The following NAALADL1 variants were observed in gnomAD, a reference collection of about 807,000 sequenced individuals.
The protein encoded by NAALADL1 is aminopeptidase NAALADL1.
NAALADL1 carries 77 observed loss-of-function variants against 82.8 expected under a neutral mutation model. The observed-to-expected ratio is 0.93, with a 90% CI of 0.77 to 1.12. NAALADL1 has a LOEUF of 1.12. Ranked by LOEUF, NAALADL1 falls within the 50% of genes most tolerant of loss-of-function variation. The pLI is 0.00. For synonymous variants in NAALADL1, 358 were observed against 399.2 expected (o/e 0.90, Z 1.23); for missense variants, 956 against 964.0 (o/e 0.99, Z 0.11).
In NAALADL1 at chr11:65,054,947, G is replaced by A. The variant is rs948058923; in HGVS notation, c.604-209C>T. Among the ~76,000 whole-genome samples, 6 of 152,192 alleles carry A rather than the reference G, an allele frequency of 3.9e-5. No individual in the cohort carries two copies. The highest frequency in any genetic ancestry group is 2.1e-4 in the South Asian group (1 of 4,830). On this transcript the variant is annotated intron_variant, in intron 4 of 17. Coordinates refer to ENST00000358658, the MANE Select transcript of NAALADL1 (RefSeq NM_005468.3). This position sits in a 1 kb window ranked among gnomAD's most constrained non-coding sequence, Gnocchi z 4.3. ...AGCCCGTGCCTATCAGTGGAGTCTG[G>A]TTGAATAACAGGGACATCCTACAGT...
Position 65,045,133 on chromosome 11 carries a change from C to G in NAALADL1, c.*138G>C. On this transcript the variant is annotated 3_prime_UTR_variant, in exon 18 of 18. Coordinates refer to ENST00000358658, the MANE Select transcript of NAALADL1 (RefSeq NM_005468.3). ...TAGGGCTTGCCACTCCCCTCAGGGA[C>G]CTCAAGCTGTTGCCTGAGAAGCTTG... The G allele has an allele frequency of 4.2e-6, 4 of 961,564 alleles. No homozygotes were observed. Among genetic ancestry groups the G allele is most frequent in the Non-Finnish European group, 6.1e-6 (4 of 657,368 alleles). 59.6% of individuals were successfully genotyped at this position (961,564 alleles called of 1,614,324 possible). A position where few individuals can be genotyped will look rare whatever the true frequency, so the allele number is the denominator to read the frequency against.
Position 65,046,471 on chromosome 11 carries a change from T to A in NAALADL1, c.1655A>T (p.Asp552Val). The A allele has an allele frequency of 6.2e-7, 1 of 1,614,062 alleles. No homozygotes were observed. The highest frequency in any genetic ancestry group is 8.5e-7 in the Non-Finnish European group (1 of 1,180,010). Residue 552 changes from aspartate (D) to valine (V), a missense_variant, in exon 14 of 18, where the codon GAC becomes GTC. By Grantham distance (152) the Asp-to-Val change is radical (BLOSUM62 -3). Transcript: ENST00000358658. ...CGGGTCCAAAAACTTGTCCACATAGTCAAAGGTGTCAAAGGCTGTGTGGTA... is the reference window on the plus strand; with the variant it reads ...CGGGTCCAAAAACTTGTCCACATAGACAAAGGTGTCAAAGGCTGTGTGGTA... ...PTYHTAFDTF[D>V]YVDKFLDPGF...
chr11:65,055,648 A>G (rs969737497), intron 4 of NAALADL1, among the ~76,000 whole-genome samples: 16 of 152,192 alleles, frequency 1.1e-4, no homozygotes, highest in Admixed American at 7.2e-4. Flanking sequence ...GAGGTTACAG[A>G]AAATAGAATA....
upstream of NAALADL1, among the ~76,000 whole-genome samples, chr11:65,060,461 A>AGT (rs1000831765): frequency 3.9e-5 from 6 of 152,112 alleles, no homozygotes; most frequent in African/African-American, 1.4e-4. Context: ...CCAGGTGGGG[A>AGT]GTGGGATGCC....
At chr11:65,047,387 G>T in intron 13 of NAALADL1, 88 bp downstream of exon 13, 2 of 1,121,892 alleles carry the variant, frequency 1.8e-6, no homozygotes, top group Non-Finnish European at 2.5e-6. Flanking sequence ...AAAGGTGCAG[G>T]GTTCAGTCTG....
chr11:65,048,436 G>A, intron 8 of NAALADL1, 51 bp from the exon 9 acceptor site: 2 of 1,604,412 alleles, frequency 1.2e-6, no homozygotes, highest in Non-Finnish European at 1.7e-6. Flanking sequence ...TGATCCTAGG[G>A]TGCCTTAGGA....
chr11:65,046,189 C>T lies in NAALADL1; in HGVS notation c.1855G>A (p.Gly619Arg). The change falls in exon 15 of 18, where the codon GGG becomes AGG. Residue 619 changes from glycine to arginine, a missense_variant and splice_region_variant. Coordinates refer to ENST00000358658, the MANE Select transcript of NAALADL1 (RefSeq NM_005468.3). ...ACCTCAGGGTCAGGGCTGTGCATAC[C>T]CAGGCTGATGCTGTGCTGCTCCAGC... ...ALLEQHSISL[G>R]PLVTAVEKFE... 3 of 1,614,098 alleles carry T rather than the reference C, an allele frequency of 1.9e-6. No individual in the cohort carries two copies. Among genetic ancestry groups the T allele is most frequent in the African/African-American group, 1.3e-5 (1 of 75,054 alleles).
At chr11:65,052,881 T>C (rs1946925862) in intron 8 of NAALADL1, among the ~76,000 whole-genome samples, 2 of 152,184 alleles carry the variant, frequency 1.3e-5, no homozygotes, top group African/African-American at 2.4e-5. Flanking sequence ...CACAAGACAT[T>C]AGAGACATCA....
chr11:65,052,930 T>C (rs1565234117), intron 8 of NAALADL1, among the ~76,000 whole-genome samples: 1 of 152,212 alleles, frequency 6.6e-6, no homozygotes. Context: ...CCAGCTGAGC[T>C]AAAGTTCCCG....
chr11:65,057,753 G>A, intron 3 of NAALADL1, 122 bp downstream of exon 3: 1 of 1,440,940 alleles, frequency 6.9e-7, no homozygotes, highest in Non-Finnish European at 9.5e-7. Context: ...GTGTCCCGGT[G>A]AGTAAATTCC....
At chr11:65,047,325 C>G (rs916669859) in intron 13 of NAALADL1, 150 bp downstream of exon 13, 3 of 666,884 alleles carry the variant, frequency 4.5e-6, no homozygotes, top group Admixed American at 3.0e-5. Context: ...GTGTGTATTT[C>G]TGTGTGTGTG....
rs1400174615 is a variant in NAALADL1, at chr11:65,054,216, C to T, written c.992+34G>A. ...GGGAGAGGCGAGTTGGGGGAGAGGG[C>T]AACTGAGGGAGACCTGGTCTGGCTG... On this transcript the variant is annotated intron_variant, in intron 6 of 17. Coordinates refer to ENST00000358658, the MANE Select transcript of NAALADL1 (RefSeq NM_005468.3). The surrounding 1 kb of genome is among the most constrained non-coding windows in gnomAD (Gnocchi z 4.3). The T allele has an allele frequency of 6.3e-7, 1 of 1,577,066 alleles. No homozygotes were observed. Among genetic ancestry groups the T allele is most frequent in the East Asian group, 2.2e-5 (1 of 44,668 alleles).
Position 65,058,528 on chromosome 11 carries a change from G to T in NAALADL1, c.-7C>A. The stretch of plus-strand genomic sequence containing the variant: ...ACACCTTCGTCCACTGCATCCTGCG[G>T]ACTCTTGGCCAGCTGGGGTAGGACT... On this transcript the variant is annotated 5_prime_UTR_variant, in exon 1 of 18. Coordinates refer to ENST00000358658, the MANE Select transcript of NAALADL1 (RefSeq NM_005468.3). 1 of 1,582,186 alleles carries T rather than the reference G, an allele frequency of 6.3e-7. No homozygotes were observed. Among genetic ancestry groups the T allele is most frequent in the Non-Finnish European group, 8.6e-7 (1 of 1,165,190 alleles).
Position 65,053,568 on chromosome 11 carries a change from T to C in NAALADL1, c.1001A>G (p.Asn334Ser). The change falls in exon 7 of 18, where the codon AAT becomes AGT. Residue 334 changes from asparagine (N) to serine (S), a missense_variant. Coordinates refer to ENST00000358658, the MANE Select transcript of NAALADL1 (RefSeq NM_005468.3). This position sits in a 1 kb window ranked among gnomAD's most constrained non-coding sequence, Gnocchi z 4.3. ...CTCCAGGCGGTTGTAGACGCTCACA[T>C]TCACCTGGCTGGGGAGGGTGAAGGG... ...DGDFPADSQV[N>S]VSVYNRLELR... 1 of 1,599,266 alleles carries C rather than the reference T, an allele frequency of 6.3e-7. No individual in the cohort carries two copies. Among genetic ancestry groups the C allele is most frequent in the Non-Finnish European group, 8.5e-7 (1 of 1,171,158 alleles).
At chr11:65,047,934 C>T (rs765329501) in intron 11 of NAALADL1, 47 bp downstream of exon 11, 1 of 1,523,684 alleles carries the variant, frequency 6.6e-7, no homozygotes, top group South Asian at 1.2e-5. Flanking sequence ...CCGCCGCACG[C>T]GGCCCGCCCC....
chr11:65,054,225 G>A lies in NAALADL1; in HGVS notation c.992+25C>T, dbSNP rs1187867953. On this transcript the variant is annotated intron_variant, in intron 6 of 17. Transcript: ENST00000358658. The surrounding 1 kb of genome is among the most constrained non-coding windows in gnomAD (Gnocchi z 4.3). ...GAGTTGGGGGAGAGGGCAACTGAGG[G>A]AGACCTGGTCTGGCTGCATCTCACC... is the stretch of plus-strand genomic sequence containing the variant. The A allele has an allele frequency of 6.3e-7, 1 of 1,599,502 alleles. No homozygotes were observed. Among genetic ancestry groups the A allele is most frequent in the South Asian group, 1.1e-5 (1 of 89,986 alleles).
intron 8 of NAALADL1, among the ~76,000 whole-genome samples, chr11:65,050,882 G>C (rs1305778331): frequency 6.6e-6 from 1 of 152,028 alleles, no homozygotes; most frequent in Admixed American, 6.6e-5. Context: ...GTAGAGACAG[G>C]GGTCTCGGTA....
chr11:65,048,561 C>G (rs1405227545), intron 8 of NAALADL1, 176 bp from the exon 9 acceptor site: 4 of 656,946 alleles, frequency 6.1e-6, no homozygotes, highest in Non-Finnish European at 1.0e-5. Flanking sequence ...AAACACTGAC[C>G]CCAACTCCAA....
At chr11:65,045,485 G>A (rs1240632197) in intron 17 of NAALADL1, 28 bp from the exon 18 acceptor site, 1 of 1,572,612 alleles carries the variant, frequency 6.4e-7, no homozygotes, top group East Asian at 2.3e-5. Context: ...ACAGGATCAG[G>A]GTCAGTCAGT....
Sources: gnomAD v4.1 joint callset for allele counts (sites outside exome capture counted in the v4.1 genomes callset) on GRCh38, gnomAD v4.1.1 for gene constraint, Gnocchi (gnomAD v3.1) non-coding constraint, MANE v1.5 for transcripts, NCBI Gene and HGNC (gene_info 2026-07-23, HGNC 2026-07-21) for gene names.